Variants in KCNJ6 observed in about 807,000 individuals in gnomAD.
KCNJ6 encodes the protein G protein-activated inward rectifier potassium channel 2.
Under a neutral mutation model 34.2 loss-of-function variants are expected in KCNJ6, and 9 were observed. That is an observed-to-expected ratio of 0.26 (90% confidence interval 0.16 to 0.46). The LOEUF (loss-of-function observed/expected upper bound fraction) is 0.46. Ranked by LOEUF, KCNJ6 falls within the 20% of genes least tolerant of loss-of-function variation. The probability of loss-of-function intolerance (pLI) is 1.00; values close to 1 mark genes in which losing one functional copy is unlikely to be tolerated. For synonymous variants in KCNJ6, 196 were observed against 207.1 expected (o/e 0.95, Z 0.46); for missense variants, 236 against 531.3 (o/e 0.44, Z 5.46).
chr21:37,696,849 A>G (rs1237435903), intron 3 of KCNJ6, among the ~76,000 whole-genome samples: 1 of 152,240 alleles, frequency 6.6e-6, no homozygotes, highest in Non-Finnish European at 1.5e-5. Flanking sequence ...ATGTGTGTCT[A>G]TATCTAGAGA....
intron 3 of KCNJ6, among the ~76,000 whole-genome samples, chr21:37,671,403 C>A (rs1208146952): frequency 2.0e-5 from 3 of 152,236 alleles, no homozygotes; most frequent in Admixed American, 6.5e-5. Flanking sequence ...CCTCTTCTTG[C>A]CTCTTCTCCC....
chr21:37,725,962 A>G (rs942744338), intron 2 of KCNJ6, among the ~76,000 whole-genome samples: 2 of 152,074 alleles, frequency 1.3e-5, no homozygotes, highest in Admixed American at 6.5e-5. Context: ...CTGGGGTGCA[A>G]TGGAGTGAAC....
intron 2 of KCNJ6, among the ~76,000 whole-genome samples, chr21:37,820,989 G>C (rs947496477): frequency 6.6e-6 from 1 of 152,184 alleles, no homozygotes; most frequent in African/African-American, 2.4e-5. Flanking sequence ...AAGAGAGTGT[G>C]ACAGATACTA....
chr21:37,712,515 TCCTTCCTCCCTTTCTCTTCC>T (rs2054759991), intron 3 of KCNJ6, among the ~76,000 whole-genome samples: 4 of 55,876 alleles, frequency 7.2e-5, no homozygotes, highest in African/African-American at 2.3e-4. Context: ...TCTCCTCCTC[TCCTTCCTCCCTTTCTCTTCC>T]CTCCCTCCTC....
At chr21:37,866,789 C>A (rs2055624884) in intron 1 of KCNJ6, among the ~76,000 whole-genome samples, 1 of 152,144 alleles carries the variant, frequency 6.6e-6, no homozygotes, top group African/African-American at 2.4e-5. Context: ...CTAGAGATGG[C>A]CAACGGCTGT....
chr21:37,652,106 A>G (rs1242214485), intron 3 of KCNJ6, among the ~76,000 whole-genome samples: 1 of 152,116 alleles, frequency 6.6e-6, no homozygotes, highest in African/African-American at 2.4e-5. Context: ...ATGAACCAAC[A>G]TTTTCATGGC....
At chr21:37,805,817 T>C (rs955195341) in intron 2 of KCNJ6, among the ~76,000 whole-genome samples, 1 of 152,126 alleles carries the variant, frequency 6.6e-6, no homozygotes, top group Non-Finnish European at 1.5e-5. Flanking sequence ...GCTGCAGTGA[T>C]GCGTCTGCAA....
intron 2 of KCNJ6, among the ~76,000 whole-genome samples, chr21:37,780,244 T>TTG (rs1178565887): frequency 6.6e-6 from 1 of 152,172 alleles, no homozygotes; most frequent in Non-Finnish European, 1.5e-5. Context: ...TCCAACTATA[T>TTG]GACATTCTGC....
Position 37,908,106 on chromosome 21 carries a change from G to A in KCNJ6, c.-28+7778C>T, listed in dbSNP as rs141021298. On this transcript the variant is annotated intron_variant, in intron 1 of 3. Transcript: ENST00000609713. ...TTTCATTTTGATAATGTTTTCCCCTGCATGAATGTATGTGGCTGTGATATC... is the reference window on the plus strand; with the variant it reads ...TTTCATTTTGATAATGTTTTCCCCTACATGAATGTATGTGGCTGTGATATC... 3.2e-3 allele frequency among the ~76,000 whole-genome samples: 488 copies of A among 152,298 alleles called. 1 individual carries two copies. Among genetic ancestry groups the A allele is most frequent in the Middle Eastern group, 6.8e-3 (2 of 294 alleles).
At chr21:37,725,883 C>T (rs1487723310) in intron 2 of KCNJ6, among the ~76,000 whole-genome samples, 1 of 152,162 alleles carries the variant, frequency 6.6e-6, no homozygotes, top group Non-Finnish European at 1.5e-5. Flanking sequence ...ATTATCTTTT[C>T]AATGAAGCTT....
intron 3 of KCNJ6, among the ~76,000 whole-genome samples, chr21:37,691,764 C>T (rs2054640863): frequency 6.6e-6 from 1 of 152,094 alleles, no homozygotes; most frequent in Admixed American, 6.6e-5. Flanking sequence ...GTGTGAGTAA[C>T]CGCGCACCTG....
chr21:37,854,009 G>GA (rs903289484), intron 1 of KCNJ6, among the ~76,000 whole-genome samples: 5 of 150,414 alleles, frequency 3.3e-5, no homozygotes, highest in African/African-American at 4.9e-5. Context: ...CAGAATTTCA[G>GA]AAAAAAACCC....
chr21:37,878,382 T>C (rs1268175269), intron 1 of KCNJ6, among the ~76,000 whole-genome samples: 2 of 152,176 alleles, frequency 1.3e-5, no homozygotes, highest in Non-Finnish European at 1.5e-5. Flanking sequence ...TCTAAGCAAA[T>C]AGCTTTGCAG....
intron 3 of KCNJ6, among the ~76,000 whole-genome samples, chr21:37,630,963 C>T (rs562449545): frequency 1.3e-5 from 2 of 152,196 alleles, no homozygotes; most frequent in African/African-American, 4.8e-5. Context: ...GGTCTCCTTT[C>T]CAAAGCACAT....
intron 2 of KCNJ6, among the ~76,000 whole-genome samples, chr21:37,753,172 G>T (rs1490859818): frequency 6.6e-6 from 1 of 152,188 alleles, no homozygotes; most frequent in Non-Finnish European, 1.5e-5. Flanking sequence ...GCTGAGAAAG[G>T]CAGCTCTGGT....
At chr21:37,787,608 G>T (rs2055198433) in intron 2 of KCNJ6, among the ~76,000 whole-genome samples, 1 of 152,166 alleles carries the variant, frequency 6.6e-6, no homozygotes, top group Non-Finnish European at 1.5e-5. Flanking sequence ...GGATCCCCAA[G>T]GACATGAATG....
intron 1 of KCNJ6, among the ~76,000 whole-genome samples, chr21:37,861,066 T>C (rs557629184): frequency 1.3e-5 from 2 of 152,314 alleles, no homozygotes; most frequent in African/African-American, 4.8e-5. Context: ...ATTAATGATA[T>C]GAAAACCACT....
intron 3 of KCNJ6, among the ~76,000 whole-genome samples, chr21:37,640,184 A>G (rs2054374856): frequency 6.6e-6 from 1 of 152,266 alleles, no homozygotes; most frequent in African/African-American, 2.4e-5. Context: ...CTTCTGCTAA[A>G]GTAATTTGAA....
intron 1 of KCNJ6, among the ~76,000 whole-genome samples, chr21:37,900,748 C>G (rs1179434297): frequency 6.6e-6 from 1 of 152,020 alleles, no homozygotes; most frequent in Non-Finnish European, 1.5e-5. Flanking sequence ...ACATATGGAG[C>G]AAGTATCCAT....
Sources: allele counts gnomAD v4.1 joint callset (sites outside exome capture counted in the v4.1 genomes callset), GRCh38; gene constraint gnomAD v4.1.1; transcripts MANE v1.5; gene names NCBI Gene and HGNC (gene_info 2026-07-23, HGNC 2026-07-21).